Variants in EVL observed in about 807,000 individuals in gnomAD.
The protein encoded by EVL is ena/VASP-like protein.
In EVL, 21 loss-of-function variants were observed where a neutral mutation model predicts 59.6. The observed-to-expected ratio is 0.35, with a 90% CI of 0.25 to 0.51. The LOEUF (loss-of-function observed/expected upper bound fraction) is 0.51, where lower values mean the gene tolerates loss of function less well. Among genes scored for constraint, EVL ranks in the 20% least tolerant of loss-of-function variants. The pLI, the probability that EVL is intolerant of heterozygous loss-of-function variation, is 0.97. For synonymous variants in EVL, 198 were observed against 203.5 expected, an observed-to-expected ratio of 0.97 and a Z score of 0.23; for missense variants, 462 against 546.6, an observed-to-expected ratio of 0.85 and a Z score of 1.54.
At chr14:99,992,803 A>G (rs2060884263) in intron 1 of EVL, among the ~76,000 whole-genome samples, 1 of 152,192 alleles carries the variant, frequency 6.6e-6, no homozygotes, top group Admixed American at 6.5e-5. Context: ...TCCTTTCACT[A>G]TTGAGTATGA....
chr14:100,048,448 C>CT (rs1353372763), intron 1 of EVL, among the ~76,000 whole-genome samples: 1 of 152,162 alleles, frequency 6.6e-6, no homozygotes, highest in African/African-American at 2.4e-5. Flanking sequence ...ATCATATGCA[C>CT]TTACTAGAGT....
intron 1 of EVL, among the ~76,000 whole-genome samples, chr14:100,071,093 G>A (rs1188359114): frequency 6.6e-6 from 1 of 152,120 alleles, no homozygotes; most frequent in Non-Finnish European, 1.5e-5. Context: ...CAGCTGTCCA[G>A]GCATCTGAGA....
intron 3 of EVL, 136 bp downstream of exon 3, chr14:100,097,794 C>T: frequency 1.4e-6 from 1 of 717,762 alleles, no homozygotes; most frequent in East Asian, 2.8e-5. Context: ...TCAGAGAAAC[C>T]TGCTGCCTGC....
intron 1 of EVL, among the ~76,000 whole-genome samples, chr14:100,038,693 G>T (rs762149786): frequency 6.6e-6 from 1 of 151,938 alleles, no homozygotes; most frequent in Non-Finnish European, 1.5e-5. Context: ...TCAACTCTTG[G>T]CAGAGGCCAC....
intron 1 of EVL, among the ~76,000 whole-genome samples, chr14:99,988,787 T>C (rs909813115): frequency 1.3e-5 from 2 of 152,234 alleles, no homozygotes; most frequent in Non-Finnish European, 2.9e-5. Flanking sequence ...AGAAATATTA[T>C]ACTCAATGAC....
At chr14:100,091,254 A>T (rs1285147381) in intron 2 of EVL, among the ~76,000 whole-genome samples, 2 of 152,078 alleles carry the variant, frequency 1.3e-5, no homozygotes, top group Admixed American at 1.3e-4. Flanking sequence ...GGTCTTAACG[A>T]AATTCCCTGA....
intron 1 of EVL, among the ~76,000 whole-genome samples, chr14:100,045,353 A>G (rs941039035): frequency 6.6e-6 from 1 of 151,948 alleles, no homozygotes; most frequent in African/African-American, 2.4e-5. Flanking sequence ...TTGTTATCGC[A>G]CCTGCCACAC....
chr14:100,000,917 C>T (rs7157797), intron 1 of EVL, among the ~76,000 whole-genome samples: 11,689 of 152,108 alleles, frequency 0.077, 478 homozygotes, highest in Middle Eastern at 0.11. Context: ...TGTCTGATCT[C>T]TCATGGCTAG....
chr14:99,980,842 G>A (rs1273793918), intron 1 of EVL, among the ~76,000 whole-genome samples: 1 of 152,250 alleles, frequency 6.6e-6, no homozygotes, highest in African/African-American at 2.4e-5. Flanking sequence ...ATGTTATTTT[G>A]AATTTTGCTG....
chr14:100,073,917 C>T (rs2062103027), intron 1 of EVL, among the ~76,000 whole-genome samples: 1 of 149,792 alleles, frequency 6.7e-6, no homozygotes, highest in Non-Finnish European at 1.5e-5. Flanking sequence ...AAGTGTTCTG[C>T]AGAAAAGCTA....
At chr14:100,032,893 A>G (rs1404418990) in intron 1 of EVL, among the ~76,000 whole-genome samples, 1 of 151,900 alleles carries the variant, frequency 6.6e-6, no homozygotes, top group Admixed American at 6.6e-5. Context: ...AGCTGGACAC[A>G]TGTTGGCTTC....
intron 1 of EVL, among the ~76,000 whole-genome samples, chr14:100,038,771 G>GTGTGTGTGTGTGT (rs1555415168): frequency 2.1e-5 from 3 of 140,916 alleles, no homozygotes; most frequent in Non-Finnish European, 3.1e-5. Context: ...TGTGCCCTGG[G>GTGTGTGTGTGTGT]GTGTGTGTGT....
At chr14:100,081,535 A>G (rs72711932) in intron 1 of EVL, among the ~76,000 whole-genome samples, 2,190 of 141,530 alleles carry the variant, frequency 0.015, 28 homozygotes, top group Non-Finnish European at 0.025. Context: ...AAAAAAAGGA[A>G]CCTGTAGCTA....
intron 1 of EVL, among the ~76,000 whole-genome samples, chr14:100,007,387 G>C (rs1331105576): frequency 6.6e-6 from 1 of 152,154 alleles, no homozygotes; most frequent in African/African-American, 2.4e-5. Context: ...TAGAATGAGA[G>C]GCAGGTTTGG....
intron 3 of EVL, chr14:100,107,816 A>G (rs1247421627): frequency 4.6e-5 from 7 of 152,382 alleles, no homozygotes; most frequent in Non-Finnish European, 1.0e-4. Context: ...GGATATTTTG[A>G]GGAGTTCCAG....
intron 1 of EVL, among the ~76,000 whole-genome samples, chr14:100,000,254 C>T (rs2060937548): frequency 6.6e-6 from 1 of 150,756 alleles, no homozygotes; most frequent in Admixed American, 6.6e-5. Context: ...GTAAGATGTA[C>T]ATTGATTTTG....
chr14:100,025,891 G>A (rs566990140), intron 1 of EVL, among the ~76,000 whole-genome samples: 2 of 152,022 alleles, frequency 1.3e-5, no homozygotes, highest in South Asian at 2.1e-4. Flanking sequence ...AGCCGAGATC[G>A]GGCCACTGCA....
At chr14:100,053,735 A>G (rs2140251024) in intron 1 of EVL, among the ~76,000 whole-genome samples, 1 of 152,212 alleles carries the variant, frequency 6.6e-6, no homozygotes, top group East Asian at 1.9e-4. Flanking sequence ...ATATATTTTT[A>G]TTACCCAGGT....
intron 1 of EVL, among the ~76,000 whole-genome samples, chr14:99,999,500 C>T (rs545730938): frequency 1.3e-5 from 2 of 152,306 alleles, no homozygotes; most frequent in East Asian, 1.9e-4. Flanking sequence ...ACTCAATAAA[C>T]AGCACTTTAA....
Sources: gnomAD v4.1 joint callset for allele counts (sites outside exome capture counted in the v4.1 genomes callset) on GRCh38, gnomAD v4.1.1 for gene constraint, MANE v1.5 for transcripts, NCBI Gene and HGNC (gene_info 2026-07-23, HGNC 2026-07-21) for gene names.